Variants in TOR1AIP1 observed in about 807,000 individuals in gnomAD.
TOR1AIP1 encodes the protein torsin-1A-interacting protein 1.
Under a neutral mutation model 63.3 loss-of-function variants are expected in TOR1AIP1, and 54 were observed. The observed-to-expected ratio is 0.85, with a 90% confidence interval of 0.69 to 1.07. TOR1AIP1 has a LOEUF of 1.07. Ranked by LOEUF, TOR1AIP1 falls within the 50% of genes least tolerant of loss-of-function variation. The pLI is 0.00. For missense variants in TOR1AIP1, 736 were observed against 715.0 expected, an observed-to-expected ratio of 1.03 and a Z score of -0.33; for synonymous variants, 294 against 273.5, an observed-to-expected ratio of 1.07 and a Z score of -0.74.
intron 2 of TOR1AIP1, among the ~76,000 whole-genome samples, chr1:179,889,043 T>C (rs1181538100): frequency 6.6e-6 from 1 of 152,212 alleles, no homozygotes; most frequent in Non-Finnish European, 1.5e-5. Context: ...TTATTTAGTA[T>C]TTCTTTCCTT....
intron 9 of TOR1AIP1, 88 bp downstream of exon 9, chr1:179,914,142 A>G: frequency 9.1e-7 from 1 of 1,101,546 alleles, no homozygotes; most frequent in Non-Finnish European, 1.3e-6. Flanking sequence ...CAGCAGTATG[A>G]CTCGATGCTA....
intron 8 of TOR1AIP1, among the ~76,000 whole-genome samples, chr1:179,913,329 T>C (rs1210675197): frequency 6.6e-6 from 1 of 152,156 alleles, no homozygotes; most frequent in Admixed American, 6.6e-5. Context: ...AAAATTATTT[T>C]TGAGCTCTAT....
rs34794267 is a variant in TOR1AIP1, at chr1:179,908,710, T to A, written c.907+37T>A. 59 of 1,553,446 alleles carry A rather than the reference T, an allele frequency of 3.8e-5. No homozygotes were observed. In the South Asian group the frequency reaches 6.8e-4, roughly 18 times the overall value. ...AATCTCTGTTATTGAAATAATCTTG[T>A]GTATTTGCTATGTTTTTCTTGACAA... On this transcript the variant is annotated intron_variant, in intron 8 of 9. Transcript: ENST00000606911.
At chr1:179,883,175 G>A (rs1035202954) in intron 1 of TOR1AIP1, 198 bp downstream of exon 1, 2 of 613,562 alleles carry the variant, frequency 3.3e-6, no homozygotes, top group Admixed American at 3.0e-5. Flanking sequence ...GCCGACCGGA[G>A]GAGTGGAAAG....
chr1:179,903,719 G>A (rs1421559664), intron 5 of TOR1AIP1, among the ~76,000 whole-genome samples: 1 of 152,102 alleles, frequency 6.6e-6, no homozygotes, highest in Non-Finnish European at 1.5e-5. Flanking sequence ...ACGTTGGCCA[G>A]GATGGTCTCA....
At chr1:179,914,462 T>C (rs1407073464) in intron 9 of TOR1AIP1, among the ~76,000 whole-genome samples, 1 of 152,224 alleles carries the variant, frequency 6.6e-6, no homozygotes, top group Non-Finnish European at 1.5e-5. Flanking sequence ...CAAGTTTCTT[T>C]AGTTCTCCAA....
At chr1:179,883,331 C>T (rs1647801515) in intron 1 of TOR1AIP1, among the ~76,000 whole-genome samples, 1 of 152,206 alleles carries the variant, frequency 6.6e-6, no homozygotes, top group African/African-American at 2.4e-5. Flanking sequence ...TCGGTTCCCT[C>T]TACCCTGCGG....
chr1:179,883,017 G>T (rs1647785267), intron 1 of TOR1AIP1, 40 bp downstream of exon 1: 2 of 1,569,576 alleles, frequency 1.3e-6, no homozygotes, highest in Non-Finnish European at 1.7e-6. Flanking sequence ...CGCGAGCCAG[G>T]GAACGCGCGG....
chr1:179,911,983 CTTTTT>C (rs199753076), intron 8 of TOR1AIP1, among the ~76,000 whole-genome samples: 41 of 116,708 alleles, frequency 3.5e-4, no homozygotes, highest in African/African-American at 4.9e-4. Flanking sequence ...TTCTTTTTTT[CTTTTT>C]TTTTTTCTTT....
chr1:179,891,501 GCATGAGCCA>G (rs1571724396), intron 3 of TOR1AIP1, among the ~76,000 whole-genome samples: 1 of 151,990 alleles, frequency 6.6e-6, no homozygotes, highest in East Asian at 1.9e-4. Context: ...GGGATTACAG[GCATGAGCCA>G]CCACGCCCGG....
chr1:179,889,521 CCAGTCTCTCTTCAT>C, intron 3 of TOR1AIP1, 152 bp downstream of exon 3: 1 of 517,110 alleles, frequency 1.9e-6, no homozygotes, highest in Non-Finnish European at 3.2e-6. Context: ...ATTCAGCCAG[CCAGTCTCTCTTCAT>C]CAAAAGCAAC....
chr1:179,886,328 T>C (rs1450894796), intron 2 of TOR1AIP1, among the ~76,000 whole-genome samples: 1 of 152,188 alleles, frequency 6.6e-6, no homozygotes, highest in East Asian at 1.9e-4. Context: ...ATAGAATGTC[T>C]TGAATAGTCT....
chr1:179,900,089 A>T, intron 3 of TOR1AIP1, 37 bp from the exon 4 acceptor site: 1 of 1,527,168 alleles, frequency 6.5e-7, no homozygotes, highest in Non-Finnish European at 9.0e-7. Flanking sequence ...TTTTGATGTT[A>T]TATGTTTAAT....
chr1:179,905,771 G>C (rs1383850350), intron 6 of TOR1AIP1, among the ~76,000 whole-genome samples: 1 of 152,062 alleles, frequency 6.6e-6, no homozygotes, highest in African/African-American at 2.4e-5. Context: ...TGGCCAACAT[G>C]GTGAAACCCC....
In TOR1AIP1 at chr1:179,882,352, G is replaced by T; in HGVS notation, c.-151G>T. 1.4e-6 allele frequency: 1 copy of T among 714,838 alleles called. No individual in the cohort carries two copies. Among genetic ancestry groups the T allele is most frequent in the Non-Finnish European group, 2.1e-6 (1 of 483,812 alleles). 44.3% of individuals were successfully genotyped at this position (714,838 alleles called of 1,614,324 possible). On this transcript the variant is annotated 5_prime_UTR_variant, in exon 1 of 10. Transcript: ENST00000606911. ...GGCAGGTTTGCTACACAGCAGCGACGACGCAGGCGGCGGCCCCAGCGACTC... is the reference window on the plus strand; with the variant it reads ...GGCAGGTTTGCTACACAGCAGCGACTACGCAGGCGGCGGCCCCAGCGACTC...
intron 6 of TOR1AIP1, among the ~76,000 whole-genome samples, chr1:179,905,962 G>A (rs569140994): frequency 6.6e-6 from 1 of 151,260 alleles, no homozygotes; most frequent in Non-Finnish European, 1.5e-5. Flanking sequence ...CAAAAAAAAA[G>A]AAATACTATT....
intron 7 of TOR1AIP1, among the ~76,000 whole-genome samples, chr1:179,908,305 G>T (rs1242525182): frequency 6.6e-6 from 1 of 152,042 alleles, no homozygotes; most frequent in Non-Finnish European, 1.5e-5. Context: ...ATTCACCACG[G>T]ATTGGTACTA....
At chr1:179,910,407 T>G (rs1571736613) in intron 8 of TOR1AIP1, among the ~76,000 whole-genome samples, 1 of 152,178 alleles carries the variant, frequency 6.6e-6, no homozygotes, top group Non-Finnish European at 1.5e-5. Flanking sequence ...TTTCCATCAG[T>G]AAAGTAGGAG....
intron 3 of TOR1AIP1, among the ~76,000 whole-genome samples, chr1:179,898,145 A>G (rs1253542119): frequency 6.6e-6 from 1 of 152,140 alleles, no homozygotes; most frequent in Non-Finnish European, 1.5e-5. Context: ...GCTGTTATGA[A>G]CAAGACTGAT....
Sources: gnomAD v4.1 joint callset for allele counts (sites outside exome capture counted in the v4.1 genomes callset) on GRCh38, gnomAD v4.1.1 for gene constraint, MANE v1.5 for transcripts, NCBI Gene and HGNC (gene_info 2026-07-23, HGNC 2026-07-21) for gene names.